Variants in PYGB observed in about 807,000 individuals in gnomAD.
PYGB encodes glycogen phosphorylase B, also known as glycogen phosphorylase, brain form.
In PYGB, 82 loss-of-function variants were observed where a neutral mutation model predicts 94.3. The ratio of observed to expected loss-of-function variants is 0.87; its 90% confidence interval spans 0.73 to 1.04. The LOEUF is 1.04. Ranked by LOEUF, PYGB falls within the 50% of genes least tolerant of loss-of-function variation. PYGB has a pLI of 0.00. For synonymous variants in PYGB, 488 were observed against 479.1 expected (o/e 1.02, Z -0.24); for missense variants, 1,132 against 1,158.2 (o/e 0.98, Z 0.33).
rs553806324 is a variant in PYGB, at chr20:25,256,743, A to G, written c.244-2494A>G. 1.1e-4 allele frequency among the ~76,000 whole-genome samples: 17 copies of G among 152,316 alleles called. No homozygotes were observed. The East Asian group carries it at 3.3e-3, about 29-fold the overall frequency. The stretch of plus-strand genomic sequence containing the variant: ...CTCCCTGAGCAGGGAAGCCCTGTTC[A>G]TGGTTGCACAAGAGGAGCCAGAGGG... On this transcript the variant is annotated intron_variant, in intron 1 of 19. Transcript: ENST00000216962.
Position 25,295,587 on chromosome 20 carries a change from C to T in PYGB, c.2313-17C>T, listed in dbSNP as rs2088528841. 2 of 1,612,682 alleles carry T rather than the reference C, an allele frequency of 1.2e-6. No homozygotes were observed. Among genetic ancestry groups the T allele is most frequent in the Non-Finnish European group, 1.7e-6 (2 of 1,178,916 alleles). ...GCTCCCTGCTGCCCTGGCCCAGCCT[C>T]CTTTCTCCCATTCCAGGTTCAAGGT... On this transcript the variant is annotated splice_polypyrimidine_tract_variant and intron_variant, in intron 18 of 19. Coordinates refer to ENST00000216962, the MANE Select transcript of PYGB (RefSeq NM_002862.4).
In PYGB at chr20:25,290,626, AC is replaced by A. The variant is rs774104464; in HGVS notation, c.1969+7del. On this transcript the variant is annotated splice_donor_5th_base_variant and intron_variant, in intron 16 of 19. Transcript: ENST00000216962. ...CGTGTGTCCTTGGCTGAGAAAGGTA[AC>A]CCTGGAAGCCTGTGTTGGACAGAAA... The A allele has an allele frequency of 6.3e-7, 1 of 1,592,982 alleles. No individual in the cohort carries two copies. The highest frequency in any genetic ancestry group is 1.7e-5 in the Admixed American group (1 of 59,718).
At chr20:25,271,858 C>T (rs956792568) in intron 4 of PYGB, among the ~76,000 whole-genome samples, 9 of 152,228 alleles carry the variant, frequency 5.9e-5, no homozygotes, top group Admixed American at 1.3e-4. Context: ...GTGGTACTTT[C>T]GGGGTCAGCC....
In PYGB at chr20:25,280,435, G is replaced by A. The variant is rs76802104; in HGVS notation, c.1239+23G>A. 4,656 of 1,612,646 alleles carry A rather than the reference G, an allele frequency of 2.9e-3. 74 individuals carry two copies. The African/African-American group carries it at 0.04, about 14-fold the overall frequency. ...GACGTGAGTGTGGGCCCAGCTGGCC[G>A]TGTAGGGTGGCGGCTACACCCATGC... On this transcript the variant is annotated intron_variant, in intron 10 of 19. Coordinates refer to ENST00000216962, the MANE Select transcript of PYGB (RefSeq NM_002862.4).
chr20:25,270,351 C>T (rs1476777977), intron 3 of PYGB, among the ~76,000 whole-genome samples: 1 of 151,688 alleles, frequency 6.6e-6, no homozygotes, highest in Non-Finnish European at 1.5e-5. Context: ...TACAGGTGCC[C>T]GCCACCATGC....
At chr20:25,267,769 G>A (rs753351820) in intron 2 of PYGB, among the ~76,000 whole-genome samples, 5 of 152,038 alleles carry the variant, frequency 3.3e-5, no homozygotes, top group South Asian at 2.1e-4. Context: ...AAGCTCAAAC[G>A]ATCCTCCCAC....
chr20:25,284,720 C>T (rs1347565297), intron 14 of PYGB, among the ~76,000 whole-genome samples: 4 of 152,214 alleles, frequency 2.6e-5, no homozygotes, highest in South Asian at 2.1e-4. Context: ...GCCACTGTAC[C>T]GGGCCTTCAG....
chr20:25,284,482 G>A (rs1313862280), intron 14 of PYGB, among the ~76,000 whole-genome samples: 1 of 152,258 alleles, frequency 6.6e-6, no homozygotes, highest in African/African-American at 2.4e-5. Context: ...GGCCCAGGCT[G>A]GAGTGCAGTG....
Position 25,297,677 on chromosome 20 carries a change from C to T in PYGB, c.*1155C>T, listed in dbSNP as rs2088570107. On this transcript the variant is annotated 3_prime_UTR_variant, in exon 20 of 20. Transcript: ENST00000216962. ...AAGAGAGAGGGCAGGGAACAGGCTACTGTCCTTCCCTGTGGAATTGCCGAG... is the reference window on the plus strand; with the variant it reads ...AAGAGAGAGGGCAGGGAACAGGCTATTGTCCTTCCCTGTGGAATTGCCGAG... 6.6e-6 allele frequency: 1 copy of T among 152,296 alleles called. No individual in the cohort carries two copies. Among genetic ancestry groups the T allele is most frequent in the South Asian group, 2.1e-4 (1 of 4,836 alleles). The allele number at this position is 152,296 out of a possible 1,614,324, so 9.4% of individuals were successfully genotyped here. A position where few individuals can be genotyped will look rare whatever the true frequency, so the allele number is the denominator to read the frequency against.
At chr20:25,257,635 C>T (rs1020060062) in intron 1 of PYGB, among the ~76,000 whole-genome samples, 7 of 152,124 alleles carry the variant, frequency 4.6e-5, no homozygotes, top group Admixed American at 1.3e-4. Context: ...TTGCAGCCAG[C>T]CTGGGCAACA....
chr20:25,277,853 TTTG>T (rs1485891663), intron 7 of PYGB, among the ~76,000 whole-genome samples: 6 of 152,208 alleles, frequency 3.9e-5, no homozygotes, highest in Admixed American at 2.0e-4. Flanking sequence ...TGGCTTTCTT[TTTG>T]TTGTTGTTGC....
At chr20:25,279,391 G>A (rs954972007) in intron 9 of PYGB, among the ~76,000 whole-genome samples, 1 of 152,122 alleles carries the variant, frequency 6.6e-6, no homozygotes, top group Non-Finnish European at 1.5e-5. Context: ...ACTTCTCAGG[G>A]TTTCCCGTTG....
intron 1 of PYGB, among the ~76,000 whole-genome samples, 195 bp from the exon 2 acceptor site, chr20:25,259,042 G>A (rs2092908067): frequency 1.3e-5 from 2 of 152,214 alleles, no homozygotes; most frequent in African/African-American, 2.4e-5. Context: ...TGTTGAGGAG[G>A]GGTCTCCTGG....
rs2088397099 is a variant in PYGB, at chr20:25,284,231, ACGT to A, written c.1753_1755del (p.Val585del). 2 of 1,613,984 alleles carry A rather than the reference ACGT, an allele frequency of 1.2e-6. No homozygotes were observed. Among genetic ancestry groups the A allele is most frequent in the African/African-American group, 1.3e-5 (1 of 75,046 alleles). On this transcript the variant is annotated inframe_deletion, in exon 14 of 20. Transcript: ENST00000216962. ...AAGCGGCAGCTGCTCAACTGCCTGC[ACGT>A]CGTCACCCTGTACAATCGTGAGTGC...
At chr20:25,250,629 G>A (rs978688212) in intron 1 of PYGB, among the ~76,000 whole-genome samples, 1 of 152,198 alleles carries the variant, frequency 6.6e-6, no homozygotes, top group African/African-American at 2.4e-5. Flanking sequence ...TGATGGACCA[G>A]CAACCAGTCC....
intron 15 of PYGB, 49 bp from the exon 16 acceptor site, chr20:25,290,432 G>A (rs1019352255): frequency 6.3e-7 from 1 of 1,589,730 alleles, no homozygotes; most frequent in African/African-American, 1.3e-5. Context: ...GCCTCCAAGG[G>A]CCTGAACAAG....
rs2088554640 is a variant in PYGB, at chr20:25,296,838, T to C, written c.*316T>C. On this transcript the variant is annotated 3_prime_UTR_variant, in exon 20 of 20. Transcript: ENST00000216962. ...CCACCTGCTGGGCTCCCCCAGAACT[T>C]TGCACACATCTTGCTATGTATTAGC... 2.8e-6 allele frequency: 1 copy of C among 356,432 alleles called. No individual in the cohort carries two copies. Among genetic ancestry groups the C allele is most frequent in the Non-Finnish European group, 5.2e-6 (1 of 193,400 alleles). The allele number at this position is 356,432 out of a possible 1,614,324, so 22.1% of individuals were successfully genotyped here.
intron 19 of PYGB, among the ~76,000 whole-genome samples, 168 bp from the exon 20 acceptor site, chr20:25,296,202 T>TG (rs2088541168): frequency 6.6e-6 from 1 of 152,184 alleles, no homozygotes; most frequent in Non-Finnish European, 1.5e-5. Flanking sequence ...TCCTGGTCCG[T>TG]GGGGTCCCCT....
chr20:25,282,237 T>A, intron 12 of PYGB, 90 bp downstream of exon 12: 1 of 1,063,914 alleles, frequency 9.4e-7, no homozygotes, highest in Non-Finnish European at 1.4e-6. Context: ...GGTTGCTGAG[T>A]AGGCAGGAGT....
Sources: gnomAD v4.1 joint callset for allele counts (sites outside exome capture counted in the v4.1 genomes callset) on GRCh38, gnomAD v4.1.1 for gene constraint, MANE v1.5 for transcripts, NCBI Gene and HGNC (gene_info 2026-07-23, HGNC 2026-07-21) for gene names.